Variants in ABCA2 observed in about 807,000 individuals in gnomAD.
ABCA2 encodes the protein ATP-binding cassette sub-family A member 2.
A neutral mutation model predicts 262.8 loss-of-function variants in ABCA2; 84 were observed. The ratio of observed to expected loss-of-function variants is 0.32; its 90% CI spans 0.27 to 0.38. ABCA2 has a LOEUF of 0.38. ABCA2 is among the 10% of genes least tolerant of loss of function. The pLI is 1.00. For missense variants in ABCA2, 2,662 were observed against 3,405.9 expected, an observed-to-expected ratio of 0.78 and a Z score of 5.44; for synonymous variants, 1,696 against 1,502.9, an observed-to-expected ratio of 1.13 and a Z score of -2.97.
Position 137,007,744 on chromosome 9 carries a change from G to T in ABCA2, c.*185C>A. 4 of 785,228 alleles carry T rather than the reference G, an allele frequency of 5.1e-6. No homozygotes were observed. In the South Asian group the frequency reaches 6.6e-5, roughly 13 times the overall value. The allele number at this position is 785,228 out of a possible 1,614,324, so 48.6% of individuals were successfully genotyped here. A position where few individuals can be genotyped will look rare whatever the true frequency, so the allele number is the denominator to read the frequency against. On this transcript the variant is annotated 3_prime_UTR_variant, in exon 49 of 49. Coordinates refer to ENST00000341511, the MANE Select transcript of ABCA2 (RefSeq NM_001606.5). Reference sequence around the variant, plus strand: ...GGGTCAGCCTTTGGCACAATTAGGGGCGGCAACCGCAGTGACCACAGGGCA... The same window carrying T: ...GGGTCAGCCTTTGGCACAATTAGGGTCGGCAACCGCAGTGACCACAGGGCA...
rs751073368 is a variant in ABCA2, at chr9:137,014,765, G to A, written c.3928C>T (p.Leu1310=). The change falls in exon 26 of 49, where the codon CTG becomes TTG. Residue 1310 remains leucine, a synonymous_variant. Transcript: ENST00000341511. ...ACTTCCTCCAGGGTCGTGTCCATCA[G>A]CCCGAAGCTGCTGAGGTGCAGTGCA... ...LDALHLSSFG[L]MDTTLEEVFL... 2.5e-5 allele frequency: 40 copies of A among 1,600,000 alleles called. No homozygotes were observed. Among genetic ancestry groups the A allele is most frequent in the Non-Finnish European group, 3.4e-6 (4 of 1,174,648 alleles).
At position 137,008,604 on chromosome 9, in the gene ABCA2, T is replaced by G; in HGVS notation, c.7087A>C (p.Lys2363Gln). The change falls in exon 48 of 49, where the codon AAG becomes CAG. Residue 2363 changes from lysine to glutamine, a missense_variant. Around this residue, in one of 12 missense-constraint regions of ABCA2, gnomAD observed 212 missense variants for 214.4 expected, o/e 0.99. Coordinates refer to ENST00000341511, the MANE Select transcript of ABCA2 (RefSeq NM_001606.5). The part of the protein sequence containing the change: ...TLDNVFVNFA[K>Q]KQSDNLEQQE... ...TGCTCCAGGTTGTCACTCTGCTTCT[T>G]GGCAAAGTTCACGAACACCTGGTGG... The G allele has an allele frequency of 1.3e-6, 2 of 1,568,690 alleles. No individual in the cohort carries two copies. Among genetic ancestry groups the G allele is most frequent in the Non-Finnish European group, 1.7e-6 (2 of 1,156,542 alleles).
intron 20 of ABCA2, 30 bp downstream of exon 20, chr9:137,016,543 AC>A: frequency 6.2e-7 from 1 of 1,610,842 alleles, no homozygotes; most frequent in South Asian, 1.1e-5. Context: ...CCCAGCGCCC[AC>A]CCCAGCCACC....
At position 137,017,361 on chromosome 9, in the gene ABCA2, G is replaced by A; in HGVS notation, c.2403-15C>T. The A allele has an allele frequency of 6.2e-7, 1 of 1,611,986 alleles. No individual in the cohort carries two copies. Among genetic ancestry groups the A allele is most frequent in the Non-Finnish European group, 8.5e-7 (1 of 1,179,556 alleles). ...ACACCAGGAAGCTGGGTGGGCAGGG[G>A]CCACGCGCACCGTCATCCACCCGCA... On this transcript the variant is annotated splice_polypyrimidine_tract_variant and intron_variant, in intron 17 of 48. Coordinates refer to ENST00000341511, the MANE Select transcript of ABCA2 (RefSeq NM_001606.5).
Position 137,020,725 on chromosome 9 carries a change from C to T in ABCA2, c.1234G>A (p.Gly412Ser), listed in dbSNP as rs775290015. Residue 412 changes from glycine to serine, a missense_variant, in exon 9 of 49, where the codon GGC becomes AGC. This residue lies in a region of ABCA2 where 92 missense variants were observed against 146.7 expected (regional missense o/e 0.63). Coordinates refer to ENST00000341511, the MANE Select transcript of ABCA2 (RefSeq NM_001606.5). ...TTGCCACACAAGATGGGCTGCAGGC[C>T]GGCCCAGAGCTGTACGAAGGCTGAG... ...QCSAFVQLWAGLQPILCGNNR... is the reference protein window; with the variant it reads ...QCSAFVQLWASLQPILCGNNR... The T allele has an allele frequency of 5.7e-5, 92 of 1,601,176 alleles. No individual in the cohort carries two copies. The highest frequency in any genetic ancestry group is 7.0e-5 in the Non-Finnish European group (82 of 1,179,316).
Position 137,015,730 on chromosome 9 carries a change from G to A in ABCA2, c.3459C>T (p.Gly1153=), listed in dbSNP as rs773372978. The change falls in exon 23 of 49, where the codon GGC becomes GGT. Residue 1153 remains glycine (G), a synonymous_variant. Coordinates refer to ENST00000341511, the MANE Select transcript of ABCA2 (RefSeq NM_001606.5). ...RAIILDEPTA[G]VDPYARRAIW... Reference sequence around the variant, plus strand: ...TGGCGCGGCGCGCGTAGGGGTCCACGCCCGCCGTGGGCTCGTCCAGGATGA... The same window carrying A: ...TGGCGCGGCGCGCGTAGGGGTCCACACCCGCCGTGGGCTCGTCCAGGATGA... The A allele has an allele frequency of 2.9e-5, 47 of 1,611,682 alleles. No individual in the cohort carries two copies. The Middle Eastern group carries it at 8.2e-4, about 28-fold the overall frequency.
Position 137,016,281 on chromosome 9 carries a change from CGA to C in ABCA2, c.3104+8_3104+9del. 1.2e-6 allele frequency: 2 copies of C among 1,612,108 alleles called. No individual in the cohort carries two copies. The highest frequency in any genetic ancestry group is 2.2e-5 in the South Asian group (2 of 90,996). ...GCAGATGCCCACCGCCCTGCCCCTC[CGA>C]CACTCACATGGTGGTGGTCTTGCCC... On this transcript the variant is annotated splice_region_variant and intron_variant, in intron 21 of 48. Coordinates refer to ENST00000341511, the MANE Select transcript of ABCA2 (RefSeq NM_001606.5).
chr9:137,016,821 G>A (rs1831275190), intron 19 of ABCA2, 83 bp from the exon 20 acceptor site: 1 of 1,549,378 alleles, frequency 6.5e-7, no homozygotes, highest in Admixed American at 1.8e-5. Flanking sequence ...CACCCAGGGA[G>A]CCACCCGTGC....
At position 137,013,150 on chromosome 9, in the gene ABCA2, G is replaced by A. The variant is rs1434956680; in HGVS notation, c.4719C>T (p.Asp1573=). Residue 1573 remains aspartate (D), a synonymous_variant, in exon 30 of 49, where the codon GAC becomes GAT. Coordinates refer to ENST00000341511, the MANE Select transcript of ABCA2 (RefSeq NM_001606.5). ...GTGTGAAGGACTCCAGACACATGCT[G>A]TCGAAGAACCGAGCCGCCAGCAGGC... ...ESRLLAARFF[D]SMCLESFTQG... The A allele has an allele frequency of 1.9e-6, 3 of 1,600,308 alleles. No individual in the cohort carries two copies. In the East Asian group the frequency reaches 6.8e-5, roughly 36 times the overall value.
intron 33 of ABCA2, 33 bp downstream of exon 33, chr9:137,012,232 C>T: frequency 1.3e-6 from 2 of 1,559,934 alleles, no homozygotes; most frequent in Non-Finnish European, 1.7e-6. Context: ...CAGCTCCTCC[C>T]CGCCCCGCCC....
chr9:137,012,735 G>A lies in ABCA2; in HGVS notation c.5058C>T (p.Thr1686=), dbSNP rs1831106035. Residue 1686 remains threonine, a synonymous_variant, in exon 31 of 49, where the codon ACC becomes ACT. Transcript: ENST00000341511. ...ACCGGTGCAGTCGGAAGCGGTCGGA[G>A]GTGAAGAGCAGGTACTCAGAGACAT... ...GHNVSEYLLF[T]SDRFRLHRYG... 2 of 1,612,644 alleles carry A rather than the reference G, an allele frequency of 1.2e-6. No homozygotes were observed. Among genetic ancestry groups the A allele is most frequent in the Admixed American group, 3.3e-5 (2 of 60,026 alleles).
chr9:137,021,361 C>T lies in ABCA2; in HGVS notation c.897+31G>A, dbSNP rs373354764. ...CTCCTTCAACTCAGGCAGCAAGCAGCGCAGCGGGCAGTGGGCAGGCAGGGC... is the reference window on the plus strand; with the variant it reads ...CTCCTTCAACTCAGGCAGCAAGCAGTGCAGCGGGCAGTGGGCAGGCAGGGC... On this transcript the variant is annotated intron_variant, in intron 8 of 48. Coordinates refer to ENST00000341511, the MANE Select transcript of ABCA2 (RefSeq NM_001606.5). This position sits in a 1 kb window ranked among gnomAD's most constrained non-coding sequence, Gnocchi z 6.0. 48 of 1,596,402 alleles carry T rather than the reference C, an allele frequency of 3.0e-5. No homozygotes were observed. The highest frequency in any genetic ancestry group is 1.7e-4 in the African/African-American group (13 of 74,882).
At position 137,020,801 on chromosome 9, in the gene ABCA2, G is replaced by A. The variant is rs770999419; in HGVS notation, c.1158C>T (p.Gly386=). Residue 386 remains glycine (G), a synonymous_variant, in exon 9 of 49, where the codon GGC becomes GGT. Coordinates refer to ENST00000341511, the MANE Select transcript of ABCA2 (RefSeq NM_001606.5). ...VMGPNATAEE[G]APSAAALATP... ...TGGCCAGTGCTGCAGCAGAGGGTGCGCCCTCCTCAGCGGTGGCGTTGGGGC... is the reference window on the plus strand; with the variant it reads ...TGGCCAGTGCTGCAGCAGAGGGTGCACCCTCCTCAGCGGTGGCGTTGGGGC... The A allele has an allele frequency of 3.2e-6, 5 of 1,578,276 alleles. No individual in the cohort carries two copies. The East Asian group carries it at 9.3e-5, about 29-fold the overall frequency.
In ABCA2 at chr9:137,021,721, G is replaced by A; in HGVS notation, c.679-111C>T. The A allele has an allele frequency of 1.5e-6, 2 of 1,301,360 alleles. No individual in the cohort carries two copies. Among genetic ancestry groups the A allele is most frequent in the Admixed American group, 2.1e-5 (1 of 47,556 alleles). The allele number at this position is 1,301,360 out of a possible 1,614,324, so 80.6% of individuals were successfully genotyped here. On this transcript the variant is annotated intron_variant, in intron 7 of 48. Coordinates refer to ENST00000341511, the MANE Select transcript of ABCA2 (RefSeq NM_001606.5). This position sits in a 1 kb window ranked among gnomAD's most constrained non-coding sequence, Gnocchi z 6.0. ...ACTGGCTGGCTCTGGGGCTGCCTGG[G>A]TCCCACGACATGCCTCTACCCCTCA... is the stretch of plus-strand genomic sequence containing the variant.
At position 137,013,330 on chromosome 9, in the gene ABCA2, G is replaced by A. The variant is rs773894400; in HGVS notation, c.4551-12C>T. On this transcript the variant is annotated splice_polypyrimidine_tract_variant and intron_variant, in intron 29 of 48. Coordinates refer to ENST00000341511, the MANE Select transcript of ABCA2 (RefSeq NM_001606.5). ...GCGATAGCCGCAGCCTGCGGGCACC[G>A]ACAGTGTGAGGTGGGGCTGCCAGTC... The A allele has an allele frequency of 1.2e-5, 18 of 1,538,084 alleles. No individual in the cohort carries two copies. Among genetic ancestry groups the A allele is most frequent in the East Asian group, 2.4e-5 (1 of 41,928 alleles).
At chr9:137,012,186 G>T in intron 33 of ABCA2, 24 bp from the exon 34 acceptor site, 1 of 1,610,602 alleles carries the variant, frequency 6.2e-7, no homozygotes. Flanking sequence ...GGCGGGGGCG[G>T]CAGCTTCAGG....
rs1341152192 is a variant in ABCA2 at position 137,012,928 on chromosome 9, G to A, written c.4868-3C>T. 6.6e-7 allele frequency: 1 copy of A among 1,507,218 alleles called. No individual in the cohort carries two copies. Among genetic ancestry groups the A allele is most frequent in the South Asian group, 1.3e-5 (1 of 78,192 alleles). 93.4% of individuals were successfully genotyped at this position (1,507,218 alleles called of 1,614,324 possible). A position where few individuals can be genotyped will look rare whatever the true frequency, so the allele number is the denominator to read the frequency against. The stretch of plus-strand genomic sequence containing the variant: ...GGAGGGTGCCGACGTCCACATTTCT[G>A]TGGGCACAGCATGGTGCGGTGAGAA... On this transcript the variant is annotated splice_polypyrimidine_tract_variant and splice_region_variant and intron_variant, in intron 30 of 48. Coordinates refer to ENST00000341511, the MANE Select transcript of ABCA2 (RefSeq NM_001606.5).
intron 45 of ABCA2, 114 bp downstream of exon 45, chr9:137,009,256 C>T: frequency 3.2e-6 from 3 of 932,114 alleles, no homozygotes; most frequent in African/African-American, 3.4e-5. Flanking sequence ...GTGCCCCCAG[C>T]CCCCCTGGCC....
intron 26 of ABCA2, 70 bp downstream of exon 26, chr9:137,014,620 A>C (rs1036492574): frequency 3.2e-6 from 5 of 1,547,228 alleles, no homozygotes; most frequent in Non-Finnish European, 4.4e-6. Flanking sequence ...ACCAGGCAGG[A>C]GTGACAGCGC....
Sources: gnomAD v4.1 joint callset for allele counts on GRCh38, gnomAD v4.1.1 for gene constraint, gnomAD v4.1.1 regional missense constraint, Gnocchi (gnomAD v3.1) non-coding constraint, MANE v1.5 for transcripts, NCBI Gene and HGNC (gene_info 2026-07-23, HGNC 2026-07-21) for gene names.